ZNF207: variants seen among roughly 807,000 people sequenced by gnomAD.
ZNF207 encodes the protein BUB3-interacting and GLEBS motif-containing protein ZNF207.
ZNF207 carries 24 observed loss-of-function variants against 60.2 expected under a neutral mutation model. That is an observed-to-expected ratio of 0.40 (90% CI 0.29 to 0.56). The LOEUF (loss-of-function observed/expected upper bound fraction) is 0.56. ZNF207 is among the 20% of genes least tolerant of loss of function. ZNF207 has a pLI of 0.49. For missense variants in ZNF207, 452 were observed against 636.6 expected (o/e 0.71, Z 3.12); for synonymous variants, 236 against 194.7 (o/e 1.21, Z -1.77).
Position 32,367,763 on chromosome 17 carries a change from AT to A in ZNF207, c.922-5del. On this transcript the variant is annotated splice_polypyrimidine_tract_variant and splice_region_variant and intron_variant, in intron 9 of 11. Transcript: ENST00000394670. Reference sequence around the variant, plus strand: ...TGAAGTTTCGTTGATGAAGTATTGTATTTTACAGGCTCAGGCAGCTGTCCAA... The same window carrying A: ...TGAAGTTTCGTTGATGAAGTATTGTATTTACAGGCTCAGGCAGCTGTCCAA... 1 of 1,613,660 alleles carries A rather than the reference AT, an allele frequency of 6.2e-7. No homozygotes were observed. The highest frequency in any genetic ancestry group is 8.5e-7 in the Non-Finnish European group (1 of 1,179,832).
In ZNF207 at chr17:32,380,170, G is replaced by A. The variant is rs1427972071; in HGVS notation, c.*10411G>A. ...TTCTAAGGAACTGTGTCCTTTCCTAGCAGGAATAAACAGTGAAAATTTGGT... is the reference window on the plus strand; with the variant it reads ...TTCTAAGGAACTGTGTCCTTTCCTAACAGGAATAAACAGTGAAAATTTGGT... On this transcript the variant is annotated 3_prime_UTR_variant, in exon 12 of 12. Coordinates refer to ENST00000394670, the MANE Select transcript of ZNF207 (RefSeq NM_001098507.2). The A allele has an allele frequency of 1.3e-5, 2 of 152,570 alleles. No homozygotes were observed. Among genetic ancestry groups the A allele is most frequent in the African/African-American group, 2.4e-5 (1 of 41,430 alleles). The allele number at this position is 152,570 out of a possible 1,614,324, so 9.5% of individuals were successfully genotyped here.
At chr17:32,361,906 A>T (rs1277466173) in intron 6 of ZNF207, among the ~76,000 whole-genome samples, 1 of 152,326 alleles carries the variant, frequency 6.6e-6, no homozygotes, top group Non-Finnish European at 1.5e-5. Flanking sequence ...AACTGAATTT[A>T]CCCACAAAAA....
chr17:32,362,911 T>C lies in ZNF207; in HGVS notation c.600-3T>C. 6.2e-7 allele frequency: 1 copy of C among 1,613,126 alleles called. No individual in the cohort carries two copies. The highest frequency in any genetic ancestry group is 8.5e-7 in the Non-Finnish European group (1 of 1,179,856). ...CTGTTTCTTGAAATTTGCTTTCTAA[T>C]AGAATGATGCCAATGGGTGGAATGA... On this transcript the variant is annotated splice_region_variant and splice_polypyrimidine_tract_variant and intron_variant, in intron 6 of 11. Coordinates refer to ENST00000394670, the MANE Select transcript of ZNF207 (RefSeq NM_001098507.2).
rs2150800837 is a variant in ZNF207, at chr17:32,366,727, T to G, written c.891T>G (p.Ser297=). Residue 297 remains serine (S), a synonymous_variant, in exon 9 of 12, where the codon TCT becomes TCG. Coordinates refer to ENST00000394670, the MANE Select transcript of ZNF207 (RefSeq NM_001098507.2). ...CCAATTCAGAAAGTCTGTCTGCATC[T>G]TCTAAAGCTCTGTTTCCTAGCACAG... The part of the protein sequence containing the change: ...ASSNSESLSA[S]SKALFPSTAQ... The G allele has an allele frequency of 3.1e-6, 5 of 1,611,268 alleles. No individual in the cohort carries two copies. The highest frequency in any genetic ancestry group is 4.2e-6 in the Non-Finnish European group (5 of 1,178,988).
intron 8 of ZNF207, among the ~76,000 whole-genome samples, chr17:32,366,078 T>C (rs1905149558): frequency 6.6e-6 from 1 of 152,198 alleles, no homozygotes; most frequent in Non-Finnish European, 1.5e-5. Context: ...ACACCTTTGC[T>C]TTTTTTCCTA....
intron 5 of ZNF207, 180 bp from the exon 6 acceptor site, chr17:32,361,285 CAAG>C (rs1904867931): frequency 1.7e-6 from 1 of 578,594 alleles, no homozygotes; most frequent in Non-Finnish European, 3.0e-6. Context: ...GTAGTTGTGA[CAAG>C]AAGCAGAGAA....
rs930348944 is a variant in ZNF207, at chr17:32,372,512, A to C, written c.*2753A>C. The C allele has an allele frequency of 2.6e-5, 4 of 152,212 alleles. No homozygotes were observed. Among genetic ancestry groups the C allele is most frequent in the Non-Finnish European group, 5.9e-5 (4 of 68,034 alleles). 9.4% of individuals were successfully genotyped at this position (152,212 alleles called of 1,614,324 possible). On this transcript the variant is annotated 3_prime_UTR_variant, in exon 12 of 12. Transcript: ENST00000394670. ...TGCTCTCTGTATAGGTCTGATGGGCAAAAATGGAACTTTTAAATATGGGAT... is the reference window on the plus strand; with the variant it reads ...TGCTCTCTGTATAGGTCTGATGGGCCAAAATGGAACTTTTAAATATGGGAT...
At chr17:32,354,406 G>A (rs1046150768) in intron 2 of ZNF207, among the ~76,000 whole-genome samples, 2 of 152,134 alleles carry the variant, frequency 1.3e-5, no homozygotes, top group African/African-American at 2.4e-5. Context: ...CGCCTCCTGG[G>A]CTTAAGTGAT....
intron 10 of ZNF207, chr17:32,368,690 CAAAAAA>C (rs56261296): frequency 8.8e-6 from 1 of 113,050 alleles, no homozygotes; most frequent in Admixed American, 9.2e-5. Flanking sequence ...GACTCCATCT[CAAAAAA>C]AAAAAAAGAA....
intron 7 of ZNF207, among the ~76,000 whole-genome samples, chr17:32,363,903 A>G (rs1022730732): frequency 1.3e-5 from 2 of 152,192 alleles, no homozygotes; most frequent in Non-Finnish European, 1.5e-5. Flanking sequence ...TCAGTGGCTC[A>G]ATGATATTTA....
intron 2 of ZNF207, among the ~76,000 whole-genome samples, chr17:32,353,922 A>G (rs1904343780): frequency 6.6e-6 from 1 of 152,160 alleles, no homozygotes; most frequent in African/African-American, 2.4e-5. Flanking sequence ...AATGATATAA[A>G]TATCTAAATG....
intron 2 of ZNF207, among the ~76,000 whole-genome samples, chr17:32,353,709 G>A (rs911753203): frequency 6.0e-5 from 9 of 151,252 alleles, no homozygotes; most frequent in Middle Eastern, 3.4e-3. Flanking sequence ...GGCGCGAGGC[G>A]GGTGCTGAGA....
At chr17:32,369,513 A>G (rs1905368447) in intron 11 of ZNF207, 59 bp downstream of exon 11, 5 of 1,602,976 alleles carry the variant, frequency 3.1e-6, no homozygotes, top group Non-Finnish European at 3.4e-6. Flanking sequence ...CGCATAAAAT[A>G]TTAAATTTAT....
Position 32,379,064 on chromosome 17 carries a change from CT to C in ZNF207, c.*9307del, listed in dbSNP as rs1369066974. The C allele has an allele frequency of 6.6e-6, 1 of 152,024 alleles. No individual in the cohort carries two copies. The highest frequency in any genetic ancestry group is 1.5e-5 in the Non-Finnish European group (1 of 67,928). 9.4% of individuals were successfully genotyped at this position (152,024 alleles called of 1,614,324 possible). ...TTTATCAACTGATAATAAAATATAT[CT>C]TACAAGATAACCACTTGTTTTTTAA... On this transcript the variant is annotated 3_prime_UTR_variant, in exon 12 of 12. Coordinates refer to ENST00000394670, the MANE Select transcript of ZNF207 (RefSeq NM_001098507.2).
At chr17:32,353,833 AAAATT>A (rs1904336530) in intron 2 of ZNF207, among the ~76,000 whole-genome samples, 1 of 151,522 alleles carries the variant, frequency 6.6e-6, no homozygotes, top group Non-Finnish European at 1.5e-5. Context: ...AAAAAAAAAA[AAAATT>A]GTTAGAGAAC....
chr17:32,362,960 C>A lies in ZNF207; in HGVS notation c.646C>A (p.Pro216Thr). 1 of 1,613,174 alleles carries A rather than the reference C, an allele frequency of 6.2e-7. No homozygotes were observed. The highest frequency in any genetic ancestry group is 8.5e-7 in the Non-Finnish European group (1 of 1,179,932). Residue 216 changes from proline to threonine, a missense_variant, in exon 7 of 12, where the codon CCT (proline) becomes ACT (threonine). By Grantham distance (38) the Pro-to-Thr change is conservative (BLOSUM62 -1). Transcript: ENST00000394670. ...GATGCCACCTGGACCAGGAATACCA[C>A]CTCTGATGCCTGGAATGCCACCAGG... ...GMMPPGPGIPPLMPGMPPGMP... is the reference protein window; with the variant it reads ...GMMPPGPGIPTLMPGMPPGMP...
In ZNF207 at chr17:32,373,640, CAT is replaced by C. The variant is rs949319960; in HGVS notation, c.*3883_*3884del. On this transcript the variant is annotated 3_prime_UTR_variant, in exon 12 of 12. Coordinates refer to ENST00000394670, the MANE Select transcript of ZNF207 (RefSeq NM_001098507.2). Reference sequence around the variant, plus strand: ...CACGTTTGACTGTGGTGTTAATAAACATAAGTATTTCATATGCAATTTTATGT... The same window carrying C: ...CACGTTTGACTGTGGTGTTAATAAACAAGTATTTCATATGCAATTTTATGT... 5 of 387,196 alleles carry C rather than the reference CAT, an allele frequency of 1.3e-5. No individual in the cohort carries two copies. Among genetic ancestry groups the C allele is most frequent in the East Asian group, 3.7e-5 (1 of 27,078 alleles). 24.0% of individuals were successfully genotyped at this position (387,196 alleles called of 1,614,324 possible). A position where few individuals can be genotyped will look rare whatever the true frequency, so the allele number is the denominator to read the frequency against.
At position 32,365,302 on chromosome 17, in the gene ZNF207, A is replaced by C. The variant is rs772605343; in HGVS notation, c.671-28A>C. ...TCCACACTAAATTTTTCAGTGACTC[A>C]ATTTCCCCAAACATTTCTTCTCTGC... is the stretch of plus-strand genomic sequence containing the variant. On this transcript the variant is annotated intron_variant, in intron 7 of 11. Transcript: ENST00000394670. The C allele has an allele frequency of 3.8e-6, 6 of 1,589,716 alleles. No individual in the cohort carries two copies. The East Asian group carries it at 1.4e-4, about 36-fold the overall frequency.
Position 32,379,939 on chromosome 17 carries a change from GT to G in ZNF207, c.*10185del, listed in dbSNP as rs1012063803. 6.6e-6 allele frequency: 1 copy of G among 152,144 alleles called. No individual in the cohort carries two copies. Among genetic ancestry groups the G allele is most frequent in the Non-Finnish European group, 1.5e-5 (1 of 68,020 alleles). The allele number at this position is 152,144 out of a possible 1,614,324, so 9.4% of individuals were successfully genotyped here. ...ATTAAAACCAGCATATGCTAAGAAT[GT>G]TTTTACATTCTGTTTCCTCCTGTGA... On this transcript the variant is annotated 3_prime_UTR_variant, in exon 12 of 12. Coordinates refer to ENST00000394670, the MANE Select transcript of ZNF207 (RefSeq NM_001098507.2).
Sources: gnomAD v4.1 joint callset for allele counts (sites outside exome capture counted in the v4.1 genomes callset) on GRCh38, gnomAD v4.1.1 for gene constraint, MANE v1.5 for transcripts, NCBI Gene and HGNC (gene_info 2026-07-23, HGNC 2026-07-21) for gene names.